Variants in RSKR observed in about 807,000 individuals in gnomAD.
The protein encoded by RSKR is ribosomal protein S6 kinase-related protein.
A neutral mutation model predicts 56.8 loss-of-function variants in RSKR; 44 were observed. The ratio of observed to expected loss-of-function variants is 0.77; its 90% CI spans 0.61 to 1.00. The LOEUF (loss-of-function observed/expected upper bound fraction) is 1.00, where lower values mean the gene tolerates loss of function less well. RSKR is among the 50% of genes least tolerant of loss of function. The probability of loss-of-function intolerance (pLI) is 0.00; values close to 1 mark genes in which losing one functional copy is unlikely to be tolerated. For synonymous variants in RSKR, 181 were observed against 188.0 expected (o/e 0.96, Z 0.30); for missense variants, 510 against 506.9 (o/e 1.01, Z -0.06).
intron 7 of RSKR, 102 bp downstream of exon 7, chr17:28,611,942 G>A (rs2070821347): frequency 6.2e-7 from 1 of 1,612,778 alleles, no homozygotes. Flanking sequence ...ACCCATGGGG[G>A]CCCCAATGTC....
chr17:28,613,304 G>C lies in RSKR; in HGVS notation c.366C>G (p.Leu122=). The part of the protein sequence containing the change: ...LVAKGSFGTV[L]KVLDCTQKAV... Reference sequence around the variant, plus strand: ...CTTTCTGGGTGCAATCTAGCACCTTGAGGACAGTTCCAAAGGAGCCTTTAG... The same window carrying C: ...CTTTCTGGGTGCAATCTAGCACCTTCAGGACAGTTCCAAAGGAGCCTTTAG... The change falls in exon 3 of 12, where the codon CTC becomes CTG. Residue 122 remains leucine (L), a synonymous_variant. Coordinates refer to ENST00000301037, the MANE Select transcript of RSKR (RefSeq NM_001174103.2). The C allele has an allele frequency of 1.2e-6, 2 of 1,614,226 alleles. No individual in the cohort carries two copies. Among genetic ancestry groups the C allele is most frequent in the Non-Finnish European group, 1.7e-6 (2 of 1,180,052 alleles).
At position 28,612,780 on chromosome 17, in the gene RSKR, G is replaced by A. The variant is rs535751710; in HGVS notation, c.478-93C>T. The A allele has an allele frequency of 6.7e-6, 8 of 1,188,980 alleles. No homozygotes were observed. The African/African-American group carries it at 9.1e-5, about 13-fold the overall frequency. 73.7% of individuals were successfully genotyped at this position (1,188,980 alleles called of 1,614,324 possible). On this transcript the variant is annotated intron_variant, in intron 4 of 11. Transcript: ENST00000301037. Reference sequence around the variant, plus strand: ...CAGGTTTTACCCAGATGTGCAGAGGGGGAACTGCTGCCTCACCTCTCAGTT... The same window carrying A: ...CAGGTTTTACCCAGATGTGCAGAGGAGGAACTGCTGCCTCACCTCTCAGTT...
chr17:28,612,206 CCTT>C lies in RSKR; in HGVS notation c.652+53_652+55del, dbSNP rs758225616. ...ATTATTAATATTAATTTTTTACTCT[CCTT>C]CTTCCGAACTTAAATCTTCCCTCCC... On this transcript the variant is annotated intron_variant, in intron 6 of 11. Coordinates refer to ENST00000301037, the MANE Select transcript of RSKR (RefSeq NM_001174103.2). The C allele has an allele frequency of 8.2e-4, 1,311 of 1,597,804 alleles. 12 individuals carry two copies. The highest frequency in any genetic ancestry group is 2.4e-4 in the Non-Finnish European group (276 of 1,165,526).
intron 7 of RSKR, 55 bp downstream of exon 7, chr17:28,611,989 G>C: frequency 1.2e-6 from 2 of 1,614,050 alleles, no homozygotes; most frequent in Non-Finnish European, 1.7e-6. Context: ...GGACTTGTTG[G>C]CACTTCTTAT....
rs760854729 is a variant in RSKR, at chr17:28,612,600, G to C, written c.547+18C>G. The C allele has an allele frequency of 1.9e-6, 3 of 1,613,340 alleles. No individual in the cohort carries two copies. The highest frequency in any genetic ancestry group is 2.5e-6 in the Non-Finnish European group (3 of 1,179,288). On this transcript the variant is annotated intron_variant, in intron 5 of 11. Coordinates refer to ENST00000301037, the MANE Select transcript of RSKR (RefSeq NM_001174103.2). ...GTACAAAGACCCTGGGGGATGAGGA[G>C]AGAGTCCAGTCACTCACTAATGAAA... is the stretch of plus-strand genomic sequence containing the variant.
rs1295199713 is a variant in RSKR, at chr17:28,610,600, T to C, written c.1111A>G (p.Lys371Glu). 5 of 1,535,864 alleles carry C rather than the reference T, an allele frequency of 3.3e-6. No individual in the cohort carries two copies. The highest frequency in any genetic ancestry group is 4.4e-6 in the Non-Finnish European group (5 of 1,146,872). Residue 371 changes from lysine to glutamate, a missense_variant, in exon 12 of 12, where the codon AAG becomes GAG. Coordinates refer to ENST00000301037, the MANE Select transcript of RSKR (RefSeq NM_001174103.2). ...GVAFDPELLQ[K>E]QPVNFVTETQ... ...TCCGTGACAAAGTTCACTGGCTGCT[T>C]CTGTAGGAGCTCTGGGTCGAAGGCC...
At chr17:28,611,062 A>G (rs2070805268) in intron 11 of RSKR, 81 bp downstream of exon 11, 1 of 1,284,522 alleles carries the variant, frequency 7.8e-7, no homozygotes. Context: ...TGATGAGAGG[A>G]ATGGGGAAAA....
Position 28,611,307 on chromosome 17 carries a change from G to A in RSKR, c.901-54C>T. On this transcript the variant is annotated intron_variant, in intron 10 of 11. Coordinates refer to ENST00000301037, the MANE Select transcript of RSKR (RefSeq NM_001174103.2). ...GGGGTAGGGGTTCATTCCTTAGTAG[G>A]AATACGGCAAGATTTCCTAAGGTCT... 5 of 1,529,810 alleles carry A rather than the reference G, an allele frequency of 3.3e-6. No individual in the cohort carries two copies. In the South Asian group the frequency reaches 5.9e-5, roughly 18 times the overall value. 94.8% of individuals were successfully genotyped at this position (1,529,810 alleles called of 1,614,324 possible).
intron 11 of RSKR, 173 bp downstream of exon 11, chr17:28,610,970 G>A (rs940353444): frequency 3.0e-6 from 2 of 677,266 alleles, no homozygotes; most frequent in African/African-American, 3.6e-5. Flanking sequence ...AGATTTGGGG[G>A]ACCAGGAACT....
rs142446671 is a variant in RSKR at position 28,609,444 on chromosome 17, G to A, written c.*1034C>T. On this transcript the variant is annotated 3_prime_UTR_variant, in exon 12 of 12. Coordinates refer to ENST00000301037, the MANE Select transcript of RSKR (RefSeq NM_001174103.2). ...AGAGGTTTTATTTTGGATAACTGTT[G>A]CAATTATAGACCTAGAGAAGACATT... 2.4e-4 allele frequency: 36 copies of A among 152,108 alleles called. 1 individual carries two copies. The highest frequency in any genetic ancestry group is 8.2e-4 in the African/African-American group (34 of 41,472). The allele number at this position is 152,108 out of a possible 1,614,324, so 9.4% of individuals were successfully genotyped here.
rs759565135 is a variant in RSKR at position 28,613,657 on chromosome 17, C to G, written c.107G>C (p.Arg36Pro). ...ACCTGTCCAGAGGCTCTTCCAGCCT[C>G]GGGCCCAGGGACCCCGGATGTTGCC... is the stretch of plus-strand genomic sequence containing the variant. ...QGGNIRGPWARGWKSLWTGLG... is the reference protein window; with the variant it reads ...QGGNIRGPWAPGWKSLWTGLG... The change falls in exon 2 of 12, where the codon CGA (arginine) becomes CCA (proline). Residue 36 changes from arginine (R) to proline (P), a missense_variant. Physicochemically the swap from Arg to Pro is moderately radical, Grantham distance 103. Transcript: ENST00000301037. 254 of 1,614,130 alleles carry G rather than the reference C, an allele frequency of 1.6e-4. 1 individual carries two copies. Among genetic ancestry groups the G allele is most frequent in the Non-Finnish European group, 8.5e-6 (10 of 1,180,036 alleles).
In RSKR at chr17:28,613,548, G is replaced by C. The variant is rs756481979; in HGVS notation, c.216C>G (p.Ala72=). Residue 72 remains alanine, a synonymous_variant, in exon 2 of 12, where the codon GCC becomes GCG. Coordinates refer to ENST00000301037, the MANE Select transcript of RSKR (RefSeq NM_001174103.2). ...HYLHQESLKP[A]PVLVEKPLPE... is the part of the protein sequence containing the mutation. ...GCAGAGGCTTCTCTACCAGTACTGG[G>C]GCTGGCTTTAGGGATTCCTGGTGCA... The C allele has an allele frequency of 6.2e-6, 10 of 1,614,150 alleles. No homozygotes were observed. In the Admixed American group the frequency reaches 6.7e-5, roughly 11 times the overall value.
rs746143510 is a variant in RSKR, at chr17:28,613,002, A to C, written c.477+76T>G. 4 of 1,474,036 alleles carry C rather than the reference A, an allele frequency of 2.7e-6. No homozygotes were observed. In the Admixed American group the frequency reaches 5.0e-5, roughly 19 times the overall value. 91.3% of individuals were successfully genotyped at this position (1,474,036 alleles called of 1,614,324 possible). A position where few individuals can be genotyped will look rare whatever the true frequency, so the allele number is the denominator to read the frequency against. On this transcript the variant is annotated intron_variant, in intron 4 of 11. Transcript: ENST00000301037. ...ATGGATGAGGCAGAACCAGGAAAAG[A>C]AGGTGGGCAAGAAAGGTACTTTCCC...
rs56247345 is a variant in RSKR at position 28,610,693 on chromosome 17, A to G, written c.1018T>C (p.Cys340Arg). The change falls in exon 12 of 12, where the codon TGC becomes CGC. Residue 340 changes from cysteine (C) to arginine (R), a missense_variant. Transcript: ENST00000301037. ...CGTAGACGATGGAGGGGGTTCTGGC[A>G]TAAGAGCTGAAGGAAAATAGAGCAT... The part of the protein sequence containing the change: ...GLSLLLHELL[C>R]QNPLHRLRYL... 4.9e-3 allele frequency: 7,518 copies of G among 1,536,160 alleles called. 17 individuals are homozygous for G. Among genetic ancestry groups the G allele is most frequent in the Non-Finnish European group, 5.7e-3 (6,569 of 1,146,894 alleles).
At position 28,612,347 on chromosome 17, in the gene RSKR, T is replaced by C; in HGVS notation, c.567A>G (p.Thr189=). The change falls in exon 6 of 12, where the codon ACA becomes ACG. Residue 189 remains threonine, a synonymous_variant. Coordinates refer to ENST00000301037, the MANE Select transcript of RSKR (RefSeq NM_001174103.2). ...CAGCCGACCAAAGGGAGTACAGATC[T>C]GTGCTGCAGTAGCTACACACTGCAA... ...HLFIMCSYCS[T]DLYSLWSAVG... is the part of the protein sequence containing the mutation. 6.2e-7 allele frequency: 1 copy of C among 1,614,184 alleles called. No homozygotes were observed. The highest frequency in any genetic ancestry group is 8.5e-7 in the Non-Finnish European group (1 of 1,180,022).
At position 28,608,847 on chromosome 17, in the gene RSKR, A is replaced by C. The variant is rs2070776511; in HGVS notation, c.*1631T>G. ...GTCTAGAGAGATTAGATGTAACTAA[A>C]TAATATGGTCTAGATTAAAACTTAC... On this transcript the variant is annotated 3_prime_UTR_variant, in exon 12 of 12. Transcript: ENST00000301037. 6.6e-6 allele frequency: 1 copy of C among 152,120 alleles called. No individual in the cohort carries two copies. The highest frequency in any genetic ancestry group is 6.6e-5 in the Admixed American group (1 of 15,254). The allele number at this position is 152,120 out of a possible 1,614,324, so 9.4% of individuals were successfully genotyped here.
intron 5 of RSKR, 91 bp downstream of exon 5, chr17:28,612,527 G>A (rs1440707584): frequency 2.0e-5 from 30 of 1,470,158 alleles, no homozygotes; most frequent in African/African-American, 1.4e-4. Context: ...AAGGGGGACA[G>A]AGCAAAGGCA....
rs568526537 is a variant in RSKR, at chr17:28,613,582, T to A, written c.182A>T (p.His61Leu). The A allele has an allele frequency of 5.7e-5, 92 of 1,614,172 alleles. 1 individual carries two copies. The South Asian group carries it at 9.6e-4, about 17-fold the overall frequency. ...DLEELWELRGHHYLHQESLKP... is the reference protein window; with the variant it reads ...DLEELWELRGLHYLHQESLKP... ...TAGGGATTCCTGGTGCAGATAGTGG[T>A]GCCCCCGTAGTTCCCAGAGTTCTTC... is the stretch of plus-strand genomic sequence containing the variant. The change falls in exon 2 of 12, where the codon CAC becomes CTC. Residue 61 changes from histidine (H) to leucine (L), a missense_variant. Coordinates refer to ENST00000301037, the MANE Select transcript of RSKR (RefSeq NM_001174103.2).
At chr17:28,612,157 T>A in intron 6 of RSKR, 73 bp from the exon 7 acceptor site, 1 of 1,588,682 alleles carries the variant, frequency 6.3e-7, no homozygotes, top group Non-Finnish European at 8.6e-7. Context: ...CCTCATCCCA[T>A]CCCTATCCTA....
Sources: allele counts gnomAD v4.1 joint callset, GRCh38; gene constraint gnomAD v4.1.1; transcripts MANE v1.5; gene names NCBI Gene and HGNC (gene_info 2026-07-23, HGNC 2026-07-21).